OR7A17: variants seen among roughly 807,000 people sequenced by gnomAD.
OR7A17 encodes olfactory receptor family 7 subfamily A member 17, also known as olfactory receptor 7A17.
For synonymous variants in OR7A17, 159 were observed against 142.1 expected (o/e 1.12, Z -0.85); for missense variants, 366 against 365.5 (o/e 1.00, Z -0.01).
At chr19:14,884,449 C>T (rs10406021) in intron 1 of OR7A17, among the ~76,000 whole-genome samples, 66,710 of 151,820 alleles carry the variant, frequency 0.44, 15,370 homozygotes, top group East Asian at 0.82. Context: ...AAAAAGTTAA[C>T]GATCCCAAAG....
At position 14,882,105 on chromosome 19, in the gene OR7A17, C is replaced by CTA. The variant is rs1471943582; in HGVS notation, c.-294-235_-294-234insTA. On this transcript the variant is annotated intron_variant, in intron 1 of 2. Coordinates refer to ENST00000641113, the MANE Select transcript of OR7A17 (RefSeq NM_030901.2). ...TCTCTCGCTCTCTCTCTCTCTCTCT[C>CTA]TCAGCCTTTCCCTGAGGGCATGTAT... is the stretch of plus-strand genomic sequence containing the variant. Among the ~76,000 whole-genome samples, 5 of 151,762 alleles carry CTA rather than the reference C, an allele frequency of 3.3e-5. No homozygotes were observed. In the East Asian group the frequency reaches 9.7e-4, roughly 29 times the overall value.
chr19:14,883,477 C>T (rs1360280481), intron 1 of OR7A17, among the ~76,000 whole-genome samples: 1 of 151,988 alleles, frequency 6.6e-6, no homozygotes, highest in African/African-American at 2.4e-5. Context: ...ATCCTGCACA[C>T]ACTATGATAA....
In OR7A17 at chr19:14,878,925, C is replaced by A. The variant is rs2045092296; in HGVS notation, c.*1501G>T. The A allele has an allele frequency of 6.6e-6, 1 of 152,312 alleles. No individual in the cohort carries two copies. The highest frequency in any genetic ancestry group is 1.5e-5 in the Non-Finnish European group (1 of 68,034). The allele number at this position is 152,312 out of a possible 1,614,324, so 9.4% of individuals were successfully genotyped here. On this transcript the variant is annotated 3_prime_UTR_variant, in exon 3 of 3. Coordinates refer to ENST00000641113, the MANE Select transcript of OR7A17 (RefSeq NM_030901.2). ...TCCTGACTTCAGGTAATCCACTTGC[C>A]TCAGCCTCCCAAAGTTCTGGGATTA...
rs984273918 is a variant in OR7A17 at position 14,879,369 on chromosome 19, C to T, written c.*1057G>A. ...CTCCGTCTCCCGGGTTCAAACCATT[C>T]TCCTGCCTCAGTCTCCTGCGTAGCT... On this transcript the variant is annotated 3_prime_UTR_variant, in exon 3 of 3. Transcript: ENST00000641113. 6.6e-6 allele frequency: 1 copy of T among 151,858 alleles called. No homozygotes were observed. Among genetic ancestry groups the T allele is most frequent in the Non-Finnish European group, 1.5e-5 (1 of 68,062 alleles). The allele number at this position is 151,858 out of a possible 1,614,324, so 9.4% of individuals were successfully genotyped here.
Position 14,880,210 on chromosome 19 carries a change from A to AAC in OR7A17, c.*215_*216insGT. On this transcript the variant is annotated 3_prime_UTR_variant, in exon 3 of 3. Coordinates refer to ENST00000641113, the MANE Select transcript of OR7A17 (RefSeq NM_030901.2). ...AACATTGGGAAAGTAGGAAAATGAC[A>AAC]AAAAAAAAAAAAAAAAAAAGATTGG... 4.0e-5 allele frequency: 1 copy of AAC among 25,094 alleles called. No individual in the cohort carries two copies. The highest frequency in any genetic ancestry group is 7.4e-5 in the Non-Finnish European group (1 of 13,494). 1.6% of individuals were successfully genotyped at this position (25,094 alleles called of 1,614,324 possible). A position where few individuals can be genotyped will look rare whatever the true frequency, so the allele number is the denominator to read the frequency against.
chr19:14,880,657 C>G lies in OR7A17; in HGVS notation c.699G>C (p.Gly233=), dbSNP rs755812150. The G allele has an allele frequency of 2.5e-6, 4 of 1,614,176 alleles. No homozygotes were observed. The highest frequency in any genetic ancestry group is 4.5e-5 in the East Asian group (2 of 44,890). Residue 233 remains glycine, a synonymous_variant, in exon 3 of 3, where the codon GGG becomes GGC. Coordinates refer to ENST00000641113, the MANE Select transcript of OR7A17 (RefSeq NM_030901.2). ...SSIRAISSAQ[G]KYKAFSTCAS... The stretch of plus-strand genomic sequence containing the variant: ...CACAGGTGGAAAATGCCTTGTACTT[C>G]CCCTGAGCTGATGAGATTGCACGTA...
intron 2 of OR7A17, 50 bp downstream of exon 2, chr19:14,881,724 A>G (rs2045113472): frequency 6.5e-6 from 1 of 153,126 alleles, no homozygotes; most frequent in African/African-American, 2.4e-5. Context: ...ATGTGGAAGT[A>G]TATTTACATT....
intron 1 of OR7A17, among the ~76,000 whole-genome samples, chr19:14,884,478 GA>G (rs1240290960): frequency 8.5e-5 from 13 of 152,126 alleles, no homozygotes; most frequent in Non-Finnish European, 1.5e-5. Context: ...ACTCCCATCA[GA>G]GAATACTATA....
rs2045105452 is a variant in OR7A17 at position 14,880,879 on chromosome 19, T to C, written c.477A>G (p.Gln159=). The C allele has an allele frequency of 6.2e-7, 1 of 1,614,002 alleles. No homozygotes were observed. Among genetic ancestry groups the C allele is most frequent in the Admixed American group, 1.7e-5 (1 of 59,986 alleles). The part of the protein sequence containing the change: ...WMIAALNSLS[Q]SLMVLWLSFC... ...AGGACAGCCACAATACCATTAAGCT[T>C]TGTGACAAGGAATTCAGGGCAGCAA... Residue 159 remains glutamine (Q), a synonymous_variant, in exon 3 of 3, where the codon CAA becomes CAG. Coordinates refer to ENST00000641113, the MANE Select transcript of OR7A17 (RefSeq NM_030901.2).
In OR7A17 at chr19:14,880,768, G is replaced by A; in HGVS notation, c.588C>T (p.Asp196=). 1 of 1,614,210 alleles carries A rather than the reference G, an allele frequency of 6.2e-7. No homozygotes were observed. The highest frequency in any genetic ancestry group is 1.3e-5 in the African/African-American group (1 of 75,060). The change falls in exon 3 of 3, where the codon GAC becomes GAT. Residue 196 remains aspartate (D), a synonymous_variant. Coordinates refer to ENST00000641113, the MANE Select transcript of OR7A17 (RefSeq NM_030901.2). ...GCCCTGCTGCAAAATACATCCCCATGTCATTAAGAAAGGTGTCAGAACAGG... is the reference window on the plus strand; with the variant it reads ...GCCCTGCTGCAAAATACATCCCCATATCATTAAGAAAGGTGTCAGAACAGG... ...HLACSDTFLN[D]MGMYFAAGLL...
At position 14,881,238 on chromosome 19, in the gene OR7A17, G is replaced by A; in HGVS notation, c.118C>T (p.Leu40Phe). The part of the protein sequence containing the change: ...LFLSMYLVTV[L>F]GNLLIILATI... The stretch of plus-strand genomic sequence containing the variant: ...GCCAGGATGATGAGCAGATTCCCGA[G>A]CACAGTGACCAGGTACATGGACAGA... Residue 40 changes from leucine to phenylalanine, a missense_variant, in exon 3 of 3, where the codon CTC (leucine) becomes TTC (phenylalanine). Leu to Phe is a conservative substitution (Grantham distance 22). Coordinates refer to ENST00000641113, the MANE Select transcript of OR7A17 (RefSeq NM_030901.2). 1.2e-6 allele frequency: 2 copies of A among 1,614,040 alleles called. No homozygotes were observed. The highest frequency in any genetic ancestry group is 1.7e-6 in the Non-Finnish European group (2 of 1,180,000).
At chr19:14,885,391 C>G (rs558275778) in intron 1 of OR7A17, among the ~76,000 whole-genome samples, 1 of 152,230 alleles carries the variant, frequency 6.6e-6, no homozygotes, top group South Asian at 2.1e-4. Context: ...TCGTCTCAGC[C>G]CAAAATCTCC....
Position 14,881,433 on chromosome 19 carries a change from T to G in OR7A17, c.-78A>C. The G allele has an allele frequency of 1.0e-6, 1 of 987,528 alleles. No individual in the cohort carries two copies. The highest frequency in any genetic ancestry group is 3.2e-5 in the East Asian group (1 of 31,102). 61.2% of individuals were successfully genotyped at this position (987,528 alleles called of 1,614,324 possible). ...ACATAGACAGGGTCTCTCACTCTGT[T>G]GCCAACGCTGGTCTGAACCTCCTGG... On this transcript the variant is annotated 5_prime_UTR_variant, in exon 3 of 3. Transcript: ENST00000641113.
intron 1 of OR7A17, among the ~76,000 whole-genome samples, chr19:14,885,480 A>G (rs1005201848): frequency 6.6e-6 from 1 of 152,210 alleles, no homozygotes; most frequent in Non-Finnish European, 1.5e-5. Context: ...CTATACAGCA[A>G]TAATAGACAG....
At position 14,880,803 on chromosome 19, in the gene OR7A17, T is replaced by G; in HGVS notation, c.553A>C (p.Ile185Leu). Residue 185 changes from isoleucine (I) to leucine (L), a missense_variant, in exon 3 of 3, where the codon ATC (isoleucine) becomes CTC (leucine). Ile to Leu is a conservative substitution (Grantham distance 5). Transcript: ENST00000641113. ...AAGGTGTCAGAACAGGCAAGGTGGA[T>G]GACCTGATTAAGTTCACAGAAAAAG... is the stretch of plus-strand genomic sequence containing the variant. ...PHFFCELNQV[I>L]HLACSDTFLN... The G allele has an allele frequency of 6.2e-7, 1 of 1,614,232 alleles. No individual in the cohort carries two copies. Among genetic ancestry groups the G allele is most frequent in the Non-Finnish European group, 8.5e-7 (1 of 1,180,036 alleles).
Position 14,880,485 on chromosome 19 carries a change from T to G in OR7A17, c.871A>C (p.Ser291Arg). The change falls in exon 3 of 3, where the codon AGT becomes CGT. Residue 291 changes from serine to arginine, a missense_variant. Ser to Arg is a moderately radical substitution (Grantham distance 110). Transcript: ENST00000641113. Reference protein sequence around the residue: ...ATPMLNPFIYSLRNKDIKRAL... With the variant: ...ATPMLNPFIYRLRNKDIKRAL... ...CTCTTTATGTCTTTATTCCTCAGAC[T>G]GTAGATAAAGGGGTTCAGCATGGGG... 2 of 1,613,918 alleles carry G rather than the reference T, an allele frequency of 1.2e-6. No individual in the cohort carries two copies. Among genetic ancestry groups the G allele is most frequent in the Non-Finnish European group, 1.7e-6 (2 of 1,179,920 alleles).
At chr19:14,883,117 G>A (rs1166102105) in intron 1 of OR7A17, among the ~76,000 whole-genome samples, 8 of 152,196 alleles carry the variant, frequency 5.3e-5, no homozygotes, top group Non-Finnish European at 1.0e-4. Context: ...TGGTCTTCCT[G>A]TAACATGCAA....
In OR7A17 at chr19:14,880,592, C is replaced by T. The variant is rs1196083453; in HGVS notation, c.764G>A (p.Gly255Asp). 6.2e-7 allele frequency: 1 copy of T among 1,614,088 alleles called. No individual in the cohort carries two copies. Among genetic ancestry groups the T allele is most frequent in the Non-Finnish European group, 8.5e-7 (1 of 1,180,018 alleles). ...AGCAGAAGTAAGGTACACACCTAGG[C>T]CCGTACAACAAAATAAAGAGACAAC... ...LSVVSLFCCT[G>D]LGVYLTSAAT... Residue 255 changes from glycine to aspartate, a missense_variant, in exon 3 of 3, where the codon GGC becomes GAC. By Grantham distance (94) the Gly-to-Asp change is moderately conservative. Transcript: ENST00000641113.
chr19:14,883,237 C>T (rs1178566994), intron 1 of OR7A17, among the ~76,000 whole-genome samples: 2 of 152,058 alleles, frequency 1.3e-5, no homozygotes, highest in Admixed American at 1.3e-4. Context: ...GTCAGGAGTT[C>T]GAGACCAGCC....
Sources: gnomAD v4.1 joint callset for allele counts (sites outside exome capture counted in the v4.1 genomes callset) on GRCh38, gnomAD v4.1.1 for gene constraint, MANE v1.5 for transcripts, NCBI Gene and HGNC (gene_info 2026-07-23, HGNC 2026-07-21) for gene names.